Variants in NRXN1 observed in about 807,000 individuals in gnomAD.
NRXN1 encodes the protein neurexin 1.
Under a neutral mutation model 150.9 loss-of-function variants are expected in NRXN1, and 39 were observed. That is an observed-to-expected ratio of 0.26 (90% CI 0.20 to 0.34). NRXN1 has a LOEUF of 0.34. Ranked by LOEUF, NRXN1 falls within the 10% of genes least tolerant of loss-of-function variation. The probability of loss-of-function intolerance (pLI) is 1.00; values close to 1 mark genes in which losing one functional copy is unlikely to be tolerated. For missense variants in NRXN1, 1,815 were observed against 1,949.9 expected (o/e 0.93, Z 1.30); for synonymous variants, 924 against 757.0 (o/e 1.22, Z -3.62).
intron 12 of NRXN1, among the ~76,000 whole-genome samples, chr2:50,527,406 C>T (rs765538804): frequency 6.6e-6 from 1 of 152,120 alleles, no homozygotes; most frequent in African/African-American, 2.4e-5. Context: ...ATTCCGCTTA[C>T]GTGAGAGCTT....
intron 21 of NRXN1, among the ~76,000 whole-genome samples, chr2:49,989,933 T>G (rs957108241): frequency 6.6e-6 from 1 of 152,092 alleles, no homozygotes; most frequent in Admixed American, 6.6e-5. Context: ...GTGTTTCATG[T>G]TGGTACTCTA....
intron 2 of NRXN1, among the ~76,000 whole-genome samples, chr2:50,984,971 T>G (rs1385801387): frequency 6.6e-6 from 1 of 152,100 alleles, no homozygotes; most frequent in African/African-American, 2.4e-5. Flanking sequence ...ACTGGGAGAT[T>G]GGACCAAAAT....
At chr2:50,575,864 C>T (rs940263317) in intron 8 of NRXN1, among the ~76,000 whole-genome samples, 1 of 152,162 alleles carries the variant, frequency 6.6e-6, no homozygotes, top group Non-Finnish European at 1.5e-5. Flanking sequence ...CAAAGCATGA[C>T]TTCTTTCAAG....
intron 5 of NRXN1, among the ~76,000 whole-genome samples, chr2:50,726,078 G>C (rs1697329427): frequency 1.3e-5 from 2 of 151,962 alleles, no homozygotes; most frequent in Non-Finnish European, 2.9e-5. Flanking sequence ...GAGTCAGTGT[G>C]GATCATATTT....
intron 5 of NRXN1, among the ~76,000 whole-genome samples, chr2:50,744,519 T>C (rs150164686): frequency 1.6e-4 from 25 of 152,298 alleles, no homozygotes; most frequent in African/African-American, 5.5e-4. Flanking sequence ...AGGGCTTGTA[T>C]ATATACATAG....
At chr2:50,784,373 G>C (rs563465626) in intron 5 of NRXN1, among the ~76,000 whole-genome samples, 2 of 152,112 alleles carry the variant, frequency 1.3e-5, no homozygotes, top group East Asian at 3.9e-4. Context: ...TTGGTTTCCA[G>C]GGACAAGTTG....
chr2:50,832,561 G>A (rs1391802471), intron 5 of NRXN1, among the ~76,000 whole-genome samples: 1 of 152,150 alleles, frequency 6.6e-6, no homozygotes, highest in Non-Finnish European at 1.5e-5. Context: ...GGTGAGGCAG[G>A]GGGAACTGCT....
intron 12 of NRXN1, among the ~76,000 whole-genome samples, chr2:50,516,101 G>C (rs1210238487): frequency 6.6e-6 from 1 of 152,130 alleles, no homozygotes; most frequent in African/African-American, 2.4e-5. Context: ...ACAAGAATCA[G>C]CTAGAACATT....
In NRXN1 at chr2:49,920,926, A is replaced by G. The variant is rs1572850752; in HGVS notation, c.*1018T>C. ...TGAGTCTTTGTATATACATTCATAC[A>G]TATCTTCCTTAGAATAAACACTACA... On this transcript the variant is annotated 3_prime_UTR_variant, in exon 23 of 23. Transcript: ENST00000401669. The G allele has an allele frequency of 1.3e-5, 2 of 152,566 alleles. No individual in the cohort carries two copies. Among genetic ancestry groups the G allele is most frequent in the East Asian group, 3.9e-4 (2 of 5,178 alleles). The allele number at this position is 152,566 out of a possible 1,614,324, so 9.5% of individuals were successfully genotyped here. A position where few individuals can be genotyped will look rare whatever the true frequency, so the allele number is the denominator to read the frequency against.
intron 2 of NRXN1, among the ~76,000 whole-genome samples, chr2:51,008,486 T>C (rs1284135379): frequency 6.6e-6 from 1 of 151,938 alleles, no homozygotes; most frequent in Non-Finnish European, 1.5e-5. Context: ...TTGGTTTGTG[T>C]TTTTGAGAAT....
intron 5 of NRXN1, among the ~76,000 whole-genome samples, chr2:50,679,219 G>T (rs188120911): frequency 6.6e-6 from 1 of 152,026 alleles, no homozygotes; most frequent in Non-Finnish European, 1.5e-5. Context: ...TACCAAGTAG[G>T]GACTCCAGGT....
At chr2:50,716,732 T>G (rs752019704) in intron 5 of NRXN1, among the ~76,000 whole-genome samples, 8 of 152,200 alleles carry the variant, frequency 5.3e-5, no homozygotes, top group Non-Finnish European at 1.2e-4. Flanking sequence ...TTGTTACAAT[T>G]TAGTTAAGTG....
chr2:50,359,549 G>C (rs1454218588), intron 17 of NRXN1, among the ~76,000 whole-genome samples: 1 of 151,698 alleles, frequency 6.6e-6, no homozygotes, highest in African/African-American at 2.4e-5. Context: ...ATGGAGACAA[G>C]ATTAGAGAAA....
At chr2:50,916,254 C>A (rs1363438943) in intron 5 of NRXN1, among the ~76,000 whole-genome samples, 2 of 150,844 alleles carry the variant, frequency 1.3e-5, no homozygotes, top group African/African-American at 4.9e-5. Flanking sequence ...AGCAGCGTCA[C>A]CTTTCATGCC....
chr2:50,397,679 A>G (rs2082134920), intron 17 of NRXN1, among the ~76,000 whole-genome samples: 1 of 152,102 alleles, frequency 6.6e-6, no homozygotes, highest in South Asian at 2.1e-4. Flanking sequence ...CTTCATTCAC[A>G]GTTGTTTTCT....
At chr2:50,251,268 G>A (rs1183435089) in intron 17 of NRXN1, among the ~76,000 whole-genome samples, 1 of 151,940 alleles carries the variant, frequency 6.6e-6, no homozygotes, top group African/African-American at 2.4e-5. Context: ...ACTTATAACT[G>A]AGAACGTGCA....
At chr2:50,803,065 T>C (rs1559285166) in intron 5 of NRXN1, among the ~76,000 whole-genome samples, 1 of 152,146 alleles carries the variant, frequency 6.6e-6, no homozygotes, top group Non-Finnish European at 1.5e-5. Flanking sequence ...AAACAACAAA[T>C]TCAACTCTTT....
At position 50,488,456 on chromosome 2, in the gene NRXN1, G is replaced by C. The variant is rs184166592; in HGVS notation, c.3070+7449C>G. 2.2e-3 allele frequency among the ~76,000 whole-genome samples: 340 copies of C among 152,326 alleles called. 2 individuals carry two copies. Among genetic ancestry groups the C allele is most frequent in the Non-Finnish European group, 2.6e-3 (177 of 68,042 alleles). On this transcript the variant is annotated intron_variant, in intron 15 of 22. Coordinates refer to ENST00000401669, the MANE Select transcript of NRXN1 (RefSeq NM_001330078.2). ...AAAGCAGAGAAAACTAGTGTGCAGA[G>C]CAGGAGAGGAACAAGGGAATGATCC...
intron 5 of NRXN1, among the ~76,000 whole-genome samples, chr2:50,899,740 A>G (rs1051382799): frequency 6.6e-6 from 1 of 152,188 alleles, no homozygotes; most frequent in Non-Finnish European, 1.5e-5. Context: ...TTCTTATGAC[A>G]TTATTTTTCT....
Sources: gnomAD v4.1 joint callset for allele counts (sites outside exome capture counted in the v4.1 genomes callset) on GRCh38, gnomAD v4.1.1 for gene constraint, MANE v1.5 for transcripts, NCBI Gene and HGNC (gene_info 2026-07-23, HGNC 2026-07-21) for gene names.